POLR2F: variants seen among roughly 807,000 people sequenced by gnomAD.
The protein encoded by POLR2F is RNA polymerase II, I and III subunit F.
Under a neutral mutation model 22.7 loss-of-function variants are expected in POLR2F, and 12 were observed. The ratio of observed to expected loss-of-function variants is 0.53; its 90% CI spans 0.34 to 0.86. POLR2F has a LOEUF of 0.86. Ranked by LOEUF, POLR2F falls within the 40% of genes least tolerant of loss-of-function variation. The pLI, the probability that POLR2F is intolerant of heterozygous loss-of-function variation, is 0.02. For synonymous variants in POLR2F, 57 were observed against 66.0 expected (o/e 0.86, Z 0.66); for missense variants, 126 against 171.5 (o/e 0.73, Z 1.48).
chr22:37,967,142 C>G lies in POLR2F; in HGVS notation c.265C>G (p.Pro89Ala). 2 of 1,613,630 alleles carry G rather than the reference C, an allele frequency of 1.2e-6. No homozygotes were observed. The highest frequency in any genetic ancestry group is 1.7e-6 in the Non-Finnish European group (2 of 1,179,652). ...VMVELEGETD[P>A]LLIAMKELKA... Reference sequence around the variant, plus strand: ...GGTGGAGCTGGAGGGGGAGACAGATCCTCTGCTCATTGCCATGAAGGAACT... The same window carrying G: ...GGTGGAGCTGGAGGGGGAGACAGATGCTCTGCTCATTGCCATGAAGGAACT... Residue 89 changes from proline (P) to alanine (A), a missense_variant, in exon 4 of 5, where the codon CCT becomes GCT. Pro to Ala is a conservative substitution (Grantham distance 27). Coordinates refer to ENST00000442738, the MANE Select transcript of POLR2F (RefSeq NM_021974.5).
intron 1 of POLR2F, among the ~76,000 whole-genome samples, chr22:38,023,839 ATT>A (rs56162997): frequency 0.03 from 3,448 of 115,342 alleles, 161 homozygotes; most frequent in African/African-American, 0.11. Flanking sequence ...CGCCTGGCTA[ATT>A]TTTTTTTTTT....
chr22:37,974,971 T>C lies in POLR2F; in HGVS notation c.293+7801T>C, dbSNP rs1389860716. Among the ~76,000 whole-genome samples, 1 of 152,168 alleles carries C rather than the reference T, an allele frequency of 6.6e-6. No homozygotes were observed. ...CCTCATGTTGTGTCCTTTCCAACCC[T>C]TCCCTCCTCCTGAGCCCACCCTGCT... On this transcript the variant is annotated intron_variant, in intron 4 of 4. Transcript: ENST00000405557. The surrounding 1 kb of genome is among the most constrained non-coding windows in gnomAD (Gnocchi z 5.4).
At chr22:37,990,725 C>T (rs1447220276) in intron 1 of POLR2F, among the ~76,000 whole-genome samples, 3 of 152,274 alleles carry the variant, frequency 2.0e-5, no homozygotes, top group African/African-American at 7.2e-5. Flanking sequence ...TGTGGAGGCC[C>T]TGTGTTGCCT....
At chr22:37,981,064 C>G (rs900414886) in intron 4 of POLR2F, among the ~76,000 whole-genome samples, 1 of 152,230 alleles carries the variant, frequency 6.6e-6, no homozygotes, top group Non-Finnish European at 1.5e-5. Flanking sequence ...GTTAGAATGA[C>G]TGTTGGGGCT....
intron 2 of POLR2F, 52 bp downstream of exon 2, chr22:37,956,894 T>C (rs2145730397): frequency 7.2e-7 from 1 of 1,384,030 alleles, no homozygotes; most frequent in Non-Finnish European, 1.0e-6. Flanking sequence ...TGCCAAATCG[T>C]CTGACAGGTG....
At position 37,986,535 on chromosome 22, in the gene POLR2F, G is replaced by A. The variant is rs1378076278; in HGVS notation, c.120+223G>A. 3 of 1,096,216 alleles carry A rather than the reference G, an allele frequency of 2.7e-6. No homozygotes were observed. Among genetic ancestry groups the A allele is most frequent in the Non-Finnish European group, 4.0e-6 (3 of 746,106 alleles). 67.9% of individuals were successfully genotyped at this position (1,096,216 alleles called of 1,614,324 possible). ...TGCCCTCCTTGGTCCAGCTGTGCCAGGATGGGGGTGGGGGTAGCAGTGGGC... is the reference window on the plus strand; with the variant it reads ...TGCCCTCCTTGGTCCAGCTGTGCCAAGATGGGGGTGGGGGTAGCAGTGGGC... On this transcript the variant is annotated intron_variant, in intron 1 of 2. Transcript: ENST00000333418. This position sits in a 1 kb window ranked among gnomAD's most constrained non-coding sequence, Gnocchi z 4.7.
intron 1 of POLR2F, among the ~76,000 whole-genome samples, chr22:37,998,916 G>C (rs759032039): frequency 1.3e-5 from 2 of 152,010 alleles, no homozygotes; most frequent in Admixed American, 1.3e-4. Context: ...TTAGGGTCTG[G>C]CTGGTACAGG....
chr22:38,012,352 G>A (rs768042205), intron 1 of POLR2F, among the ~76,000 whole-genome samples: 40 of 152,136 alleles, frequency 2.6e-4, no homozygotes, highest in Non-Finnish European at 5.6e-4. Context: ...AAAGTGCTGG[G>A]TCTACAGGTG....
chr22:38,039,725 G>GAC (rs1230069680), intron 5 of POLR2F, among the ~76,000 whole-genome samples: 2 of 152,234 alleles, frequency 1.3e-5, no homozygotes, highest in African/African-American at 4.8e-5. Context: ...GCCGCGCACA[G>GAC]ACACCCAGAG....
At chr22:38,020,392 G>A (rs557682842) in intron 1 of POLR2F, among the ~76,000 whole-genome samples, 107 of 150,986 alleles carry the variant, frequency 7.1e-4, no homozygotes, top group African/African-American at 2.0e-3. Flanking sequence ...AGCTTCCTGA[G>A]TAGCTGGGAT....
intron 2 of POLR2F, among the ~76,000 whole-genome samples, chr22:37,957,958 T>C (rs1003631078): frequency 1.3e-5 from 2 of 152,028 alleles, no homozygotes; most frequent in African/African-American, 4.8e-5. Context: ...GTATCCAGAG[T>C]GATCCTTTCT....
rs143766900 is a variant in POLR2F, at chr22:37,999,383, G to A, written c.120+13071G>A. 4.4e-4 allele frequency among the ~76,000 whole-genome samples: 67 copies of A among 152,272 alleles called. 1 individual carries two copies. The East Asian group carries it at 9.8e-3, about 22-fold the overall frequency. On this transcript the variant is annotated intron_variant, in intron 1 of 2. Transcript: ENST00000333418. ...CATCACAGGGGGCTCAGCCTTCCTC[G>A]TCAGCTCAGGCCCCTGTGGCAGCCT... is the stretch of plus-strand genomic sequence containing the variant.
At chr22:38,041,244 C>T (rs1029873007), downstream of POLR2F, 42 of 1,264,906 alleles carry the variant, frequency 3.3e-5, no homozygotes, top group Admixed American at 6.4e-5. Context: ...GACCAGATGG[C>T]GGGGGCAGGC....
At chr22:38,008,158 T>C (rs998563302) in intron 1 of POLR2F, among the ~76,000 whole-genome samples, 1 of 152,128 alleles carries the variant, frequency 6.6e-6, no homozygotes, top group Non-Finnish European at 1.5e-5. Flanking sequence ...GAGAATCACT[T>C]GAACCCAGGA....
At chr22:38,033,284 GC>G (rs2145832756) in intron 5 of POLR2F, 1 of 152,324 alleles carries the variant, frequency 6.6e-6, no homozygotes, top group African/African-American at 2.4e-5. Flanking sequence ...GGTGGACGGG[GC>G]ATGGCTTATC....
chr22:37,986,621 G>T lies in POLR2F; in HGVS notation c.120+309G>T. 1.5e-6 allele frequency: 1 copy of T among 666,464 alleles called. No individual in the cohort carries two copies. The highest frequency in any genetic ancestry group is 3.0e-5 in the East Asian group (1 of 32,956). 41.3% of individuals were successfully genotyped at this position (666,464 alleles called of 1,614,324 possible). A position where few individuals can be genotyped will look rare whatever the true frequency, so the allele number is the denominator to read the frequency against. Reference sequence around the variant, plus strand: ...GGGCCACTCCCTCTCTCTCTCCCTTGTCCCCGCACAGACACTGCCTTCCTC... The same window carrying T: ...GGGCCACTCCCTCTCTCTCTCCCTTTTCCCCGCACAGACACTGCCTTCCTC... On this transcript the variant is annotated intron_variant, in intron 1 of 2. Coordinates refer to the POLR2F transcript ENST00000333418. This position sits in a 1 kb window ranked among gnomAD's most constrained non-coding sequence, Gnocchi z 4.7.
intron 2 of POLR2F, among the ~76,000 whole-genome samples, chr22:37,957,272 G>C (rs2145730958): frequency 6.6e-6 from 1 of 152,284 alleles, no homozygotes; most frequent in South Asian, 2.1e-4. Context: ...GCACAGTCCA[G>C]GTTACATTTT....
rs754817070 is a variant in POLR2F at position 37,978,001 on chromosome 22, G to A, written c.293+10831G>A. 1.4e-5 allele frequency: 22 copies of A among 1,611,478 alleles called. No individual in the cohort carries two copies. Among genetic ancestry groups the A allele is most frequent in the African/African-American group, 5.3e-5 (4 of 74,936 alleles). On this transcript the variant is annotated intron_variant, in intron 4 of 4. Coordinates refer to the POLR2F transcript ENST00000405557. The surrounding 1 kb of genome is among the most constrained non-coding windows in gnomAD (Gnocchi z 5.0). ...CTCGGCCTCCCCACCGGGGCACTCC[G>A]CCTCGCCCTGGGCGGCCTTCCCGTT...
chr22:37,969,412 G>T (rs893625701), downstream of POLR2F: 33 of 732,414 alleles, frequency 4.5e-5, no homozygotes, highest in Non-Finnish European at 5.3e-5. Flanking sequence ...CCTTCCTGAG[G>T]CCTGTGCACA....
Sources: gnomAD v4.1 joint callset for allele counts (sites outside exome capture counted in the v4.1 genomes callset) on GRCh38, gnomAD v4.1.1 for gene constraint, Gnocchi (gnomAD v3.1) non-coding constraint, MANE v1.5 for transcripts, NCBI Gene and HGNC (gene_info 2026-07-23, HGNC 2026-07-21) for gene names.